The following FAP variants were observed in gnomAD, a reference collection of about 807,000 sequenced individuals.
FAP encodes fibroblast activation protein alpha.
Under a neutral mutation model 126.5 loss-of-function variants are expected in FAP, and 110 were observed. That is an observed-to-expected ratio of 0.87 (90% CI 0.74 to 1.02). FAP has a LOEUF of 1.02. Among genes scored for constraint, FAP ranks in the 50% least tolerant of loss-of-function variants. The pLI is 0.00. For missense variants in FAP, 919 were observed against 909.2 expected, an observed-to-expected ratio of 1.01 and a Z score of -0.14; for synonymous variants, 334 against 297.3, an observed-to-expected ratio of 1.12 and a Z score of -1.27.
At chr2:162,194,999 G>C (rs1688198019) in intron 16 of FAP, 1 of 506,726 alleles carries the variant, frequency 2.0e-6, no homozygotes, top group Admixed American at 3.2e-5. Context: ...GACTAATCCT[G>C]AATCATTAAT....
intron 2 of FAP, among the ~76,000 whole-genome samples, chr2:162,236,220 A>T (rs1690123504): frequency 1.3e-5 from 2 of 152,000 alleles, no homozygotes; most frequent in Non-Finnish European, 2.9e-5. Flanking sequence ...TTTGTGGGAA[A>T]TTTTTGCATC....
chr2:162,172,627 T>C (rs1229090933), intron 25 of FAP, 184 bp downstream of exon 25: 7 of 550,978 alleles, frequency 1.3e-5, no homozygotes, highest in East Asian at 5.7e-5. Flanking sequence ...GGTGATCTGG[T>C]TTGCCTCGGG....
intron 2 of FAP, among the ~76,000 whole-genome samples, chr2:162,233,375 C>G (rs999985634): frequency 6.6e-6 from 1 of 152,030 alleles, no homozygotes; most frequent in East Asian, 1.9e-4. Context: ...CAGGGACAAG[C>G]CATTTCACAA....
chr2:162,183,808 G>T (rs1247150910), intron 20 of FAP, among the ~76,000 whole-genome samples: 1 of 152,026 alleles, frequency 6.6e-6, no homozygotes, highest in Non-Finnish European at 1.5e-5. Flanking sequence ...GCATTGAGCA[G>T]GACCAAGTTT....
chr2:162,238,340 T>A (rs555315062), intron 2 of FAP, among the ~76,000 whole-genome samples: 2 of 152,226 alleles, frequency 1.3e-5, no homozygotes, highest in African/African-American at 2.4e-5. Context: ...TATGACTGGA[T>A]GTTCTCGTTG....
chr2:162,218,083 G>T lies in FAP; in HGVS notation c.665C>A (p.Ala222Glu). ...LWWSPNGKFL[A>E]YAEFNDTDIP... ...ATCCGTATCATTAAATTCCGCATATGCCAAAAATTTTCCATTAGGAGACCA... is the reference window on the plus strand; with the variant it reads ...ATCCGTATCATTAAATTCCGCATATTCCAAAAATTTTCCATTAGGAGACCA... The change falls in exon 9 of 26, where the codon GCA becomes GAA. Residue 222 changes from alanine (A) to glutamate (E), a missense_variant. By Grantham distance (107) the Ala-to-Glu change is moderately radical. Transcript: ENST00000188790. The T allele has an allele frequency of 6.2e-7, 1 of 1,607,818 alleles. No individual in the cohort carries two copies. Among genetic ancestry groups the T allele is most frequent in the Non-Finnish European group, 8.5e-7 (1 of 1,176,630 alleles).
rs772875835 is a variant in FAP, at chr2:162,189,793, T to A, written c.1451-39A>T. The A allele has an allele frequency of 2.5e-6, 3 of 1,196,778 alleles. No individual in the cohort carries two copies. The East Asian group carries it at 7.2e-5, about 29-fold the overall frequency. 74.1% of individuals were successfully genotyped at this position (1,196,778 alleles called of 1,614,324 possible). A position where few individuals can be genotyped will look rare whatever the true frequency, so the allele number is the denominator to read the frequency against. On this transcript the variant is annotated intron_variant, in intron 17 of 25. Coordinates refer to ENST00000188790, the MANE Select transcript of FAP (RefSeq NM_004460.5). ...AATGTTCATTTTTAATCAATAGTAT[T>A]TCCATAAACAATTTTTTTCCTTAAA... is the stretch of plus-strand genomic sequence containing the variant.
chr2:162,173,936 G>T, intron 22 of FAP, 149 bp from the exon 23 acceptor site: 1 of 644,748 alleles, frequency 1.6e-6, no homozygotes, highest in South Asian at 2.0e-5. Context: ...ATAATGGTTG[G>T]CCTCAAAGAA....
Position 162,183,445 on chromosome 2 carries a change from A to G in FAP, c.1838T>C (p.Ile613Thr), listed in dbSNP as rs1332727345. 5.0e-6 allele frequency: 8 copies of G among 1,610,334 alleles called. No homozygotes were observed. The highest frequency in any genetic ancestry group is 1.6e-4 in the Middle Eastern group (1 of 6,064). ...AVRKFIEMGF[I>T]DEKRIAIWGW... ...CCATATGGCTATTCTTTTTTCATCA[A>G]TGAAACCCATTTCTATGAATTTTCT... Residue 613 changes from isoleucine (I) to threonine (T), a missense_variant, in exon 21 of 26, where the codon ATT becomes ACT. Coordinates refer to ENST00000188790, the MANE Select transcript of FAP (RefSeq NM_004460.5).
intron 12 of FAP, among the ~76,000 whole-genome samples, chr2:162,204,051 A>T (rs1428087133): frequency 2.6e-5 from 4 of 152,170 alleles, no homozygotes; most frequent in African/African-American, 2.4e-5. Context: ...ACTCTACATC[A>T]TGCAGAGCAG....
intron 17 of FAP, among the ~76,000 whole-genome samples, chr2:162,190,563 A>G (rs1347290620): frequency 6.6e-6 from 1 of 152,148 alleles, no homozygotes; most frequent in Non-Finnish European, 1.5e-5. Flanking sequence ...TAATACATGC[A>G]AATAGGTTTC....
rs1689225257 is a variant in FAP, at chr2:162,218,090, A to G, written c.658T>C (p.Phe220Leu). ...TCATTAAATTCCGCATATGCCAAAA[A>G]TTTTCCATTAGGAGACCACCAGAGA... ...YALWWSPNGK[F>L]LAYAEFNDTD... Residue 220 changes from phenylalanine (F) to leucine (L), a missense_variant, in exon 9 of 26, where the codon TTT (phenylalanine) becomes CTT (leucine). Physicochemically the swap from Phe to Leu is conservative, Grantham distance 22 (BLOSUM62 0). Coordinates refer to ENST00000188790, the MANE Select transcript of FAP (RefSeq NM_004460.5). 2 of 1,609,398 alleles carry G rather than the reference A, an allele frequency of 1.2e-6. No homozygotes were observed. Among genetic ancestry groups the G allele is most frequent in the Admixed American group, 1.7e-5 (1 of 59,302 alleles).
chr2:162,222,068 G>T (rs1689427545), intron 6 of FAP, among the ~76,000 whole-genome samples: 1 of 151,966 alleles, frequency 6.6e-6, no homozygotes, highest in South Asian at 2.1e-4. Context: ...TGTTTAATGT[G>T]ATTTTAGGCC....
intron 21 of FAP, among the ~76,000 whole-genome samples, chr2:162,181,610 G>C (rs1349688747): frequency 6.6e-6 from 1 of 152,064 alleles, no homozygotes; most frequent in Non-Finnish European, 1.5e-5. Flanking sequence ...TCCTCCCTTA[G>C]CTCCCACAGC....
chr2:162,235,015 C>T (rs1054531778), intron 2 of FAP, among the ~76,000 whole-genome samples: 1 of 152,070 alleles, frequency 6.6e-6, no homozygotes, highest in African/African-American at 2.4e-5. Flanking sequence ...AACCGGGTCC[C>T]CTAGCAGTGC....
intron 10 of FAP, 103 bp downstream of exon 10, chr2:162,215,795 G>A: frequency 1.3e-6 from 1 of 767,022 alleles, no homozygotes; most frequent in Non-Finnish European, 2.2e-6. Flanking sequence ...CTTTAGCTTT[G>A]TGTGCAACTC....
At chr2:162,172,781 C>T (rs1576127606) in intron 25 of FAP, 30 bp downstream of exon 25, 1 of 1,493,640 alleles carries the variant, frequency 6.7e-7, no homozygotes, top group East Asian at 2.3e-5. Flanking sequence ...GGTCTAAGGC[C>T]ATGAACATGA....
chr2:162,213,595 T>G (rs1689048555), intron 11 of FAP, among the ~76,000 whole-genome samples: 1 of 152,128 alleles, frequency 6.6e-6, no homozygotes, highest in Non-Finnish European at 1.5e-5. Context: ...CGGTTTCATC[T>G]GCATTATTTT....
chr2:162,193,205 A>G (rs906839303), intron 17 of FAP, among the ~76,000 whole-genome samples: 1 of 152,200 alleles, frequency 6.6e-6, no homozygotes, highest in Non-Finnish European at 1.5e-5. Flanking sequence ...CTGAACATTT[A>G]CTATTAAAAA....
Sources: allele counts gnomAD v4.1 joint callset (sites outside exome capture counted in the v4.1 genomes callset), GRCh38; gene constraint gnomAD v4.1.1; transcripts MANE v1.5; gene names NCBI Gene and HGNC (gene_info 2026-07-23, HGNC 2026-07-21).